Variants in CHSY1 observed in about 807,000 individuals in gnomAD.
CHSY1 encodes the protein chondroitin sulfate synthase 1, also known as N-acetylgalactosaminyl-proteoglycan 3-beta-glucuronosyltransferase 1.
Under a neutral mutation model 59.8 loss-of-function variants are expected in CHSY1, and 13 were observed. That is an observed-to-expected ratio of 0.22 (90% CI 0.14 to 0.35). The LOEUF (loss-of-function observed/expected upper bound fraction) is 0.35, where lower values mean the gene tolerates loss of function less well. Among genes scored for constraint, CHSY1 ranks in the 10% least tolerant of loss-of-function variants. The probability of loss-of-function intolerance (pLI) is 1.00; values close to 1 mark genes in which losing one functional copy is unlikely to be tolerated. For synonymous variants in CHSY1, 459 were observed against 401.2 expected (o/e 1.14, Z -1.72); for missense variants, 947 against 1,030.6 (o/e 0.92, Z 1.11).
At chr15:101,230,298 T>A (rs1355392333) in intron 2 of CHSY1, among the ~76,000 whole-genome samples, 1 of 152,170 alleles carries the variant, frequency 6.6e-6, no homozygotes, top group East Asian at 1.9e-4. Context: ...ATCTAGCCAC[T>A]GAGGGTCTGC....
intron 2 of CHSY1, among the ~76,000 whole-genome samples, chr15:101,224,708 C>G (rs776896483): frequency 6.6e-6 from 1 of 152,168 alleles, no homozygotes; most frequent in Non-Finnish European, 1.5e-5. Context: ...TAATACTTCA[C>G]GTCCACACAC....
At chr15:101,185,361 A>G (rs2038342462) in intron 2 of CHSY1, among the ~76,000 whole-genome samples, 1 of 151,464 alleles carries the variant, frequency 6.6e-6, no homozygotes, top group Non-Finnish European at 1.5e-5. Context: ...GGGCCCCACC[A>G]GGCTCCAGGG....
chr15:101,188,937 TC>T (rs980499642), intron 2 of CHSY1, among the ~76,000 whole-genome samples: 1 of 151,806 alleles, frequency 6.6e-6, no homozygotes, highest in African/African-American at 2.4e-5. Context: ...GCACCAGGCA[TC>T]GCCTTAACAA....
intron 2 of CHSY1, among the ~76,000 whole-genome samples, chr15:101,202,132 G>A: frequency 6.6e-6 from 1 of 151,516 alleles, no homozygotes; most frequent in Admixed American, 6.6e-5. Flanking sequence ...AGCAGAGGCT[G>A]CAGGGAAGGA....
At chr15:101,213,725 A>G (rs757610027) in intron 2 of CHSY1, among the ~76,000 whole-genome samples, 1 of 152,212 alleles carries the variant, frequency 6.6e-6, no homozygotes, top group Non-Finnish European at 1.5e-5. Context: ...GCAGCACAAA[A>G]TATGTCTTTG....
At chr15:101,185,223 C>A (rs894135059) in intron 2 of CHSY1, among the ~76,000 whole-genome samples, 10 of 152,178 alleles carry the variant, frequency 6.6e-5, no homozygotes, top group African/African-American at 2.4e-4. Flanking sequence ...TCTTTAAGAA[C>A]AGGAAATGTG....
intron 2 of CHSY1, 152 bp downstream of exon 2, chr15:101,234,930 A>AT (rs66876912): frequency 8.1e-4 from 750 of 925,816 alleles, no homozygotes; most frequent in Non-Finnish European, 1.0e-3. Context: ...GGGGAACTGA[A>AT]TTTTTTTTTT....
intron 2 of CHSY1, among the ~76,000 whole-genome samples, chr15:101,230,557 A>T (rs930666891): frequency 4.6e-5 from 7 of 152,104 alleles, no homozygotes; most frequent in Non-Finnish European, 1.0e-4. Flanking sequence ...AATTTTTTTT[A>T]AAAAAAGAAA....
At chr15:101,213,429 A>G (rs1164834793) in intron 2 of CHSY1, among the ~76,000 whole-genome samples, 1 of 152,222 alleles carries the variant, frequency 6.6e-6, no homozygotes, top group African/African-American at 2.4e-5. Flanking sequence ...GGAAAAAAAA[A>G]TTAGAAGAGG....
chr15:101,178,547 T>C lies in CHSY1; in HGVS notation c.1250A>G (p.Asn417Ser), dbSNP rs559675963. The C allele has an allele frequency of 8.1e-6, 13 of 1,614,260 alleles. No individual in the cohort carries two copies. The highest frequency in any genetic ancestry group is 4.0e-5 in the African/African-American group (3 of 75,074). ...GCGCCCTCTGGTCTTGGCGTTGGCA[T>C]TGATCATCTCCATGACCTGCATGAC... ...DIVMQVMEMINANAKTRGRII... is the reference protein window; with the variant it reads ...DIVMQVMEMISANAKTRGRII... Residue 417 changes from asparagine to serine, a missense_variant, in exon 3 of 3, where the codon AAT becomes AGT. Coordinates refer to ENST00000254190, the MANE Select transcript of CHSY1 (RefSeq NM_014918.5).
At chr15:101,206,294 G>T (rs79390081) in intron 2 of CHSY1, among the ~76,000 whole-genome samples, 1 of 152,120 alleles carries the variant, frequency 6.6e-6, no homozygotes, top group Non-Finnish European at 1.5e-5. Flanking sequence ...ACCAGGTCTC[G>T]AGTCGGCAGG....
At chr15:101,215,008 C>T (rs1372685380) in intron 2 of CHSY1, among the ~76,000 whole-genome samples, 2 of 152,190 alleles carry the variant, frequency 1.3e-5, no homozygotes, top group African/African-American at 2.4e-5. Context: ...CTCCTCCCTT[C>T]GCTTTCTCTT....
chr15:101,188,268 C>G (rs185909100), intron 2 of CHSY1: 1 of 829,076 alleles, frequency 1.2e-6, no homozygotes, highest in Non-Finnish European at 1.5e-6. Context: ...GTCAAGAGAC[C>G]GTAACTGCTG....
Position 101,201,562 on chromosome 15 carries a change from T to C in CHSY1, c.817-22582A>G, listed in dbSNP as rs1375844736. Among the ~76,000 whole-genome samples, 3 of 152,122 alleles carry C rather than the reference T, an allele frequency of 2.0e-5. No individual in the cohort carries two copies. The South Asian group carries it at 6.2e-4, about 32-fold the overall frequency. On this transcript the variant is annotated intron_variant, in intron 2 of 2. Transcript: ENST00000254190. ...GCAGGGCTGCCTTTCCAGCAGGCGGTTGGGCAGTGGGGTGGGAGGAGAGGA... is the reference window on the plus strand; with the variant it reads ...GCAGGGCTGCCTTTCCAGCAGGCGGCTGGGCAGTGGGGTGGGAGGAGAGGA...
intron 2 of CHSY1, among the ~76,000 whole-genome samples, chr15:101,209,902 C>A (rs1281889577): frequency 6.6e-6 from 1 of 152,154 alleles, no homozygotes; most frequent in South Asian, 2.1e-4. Flanking sequence ...AAGTTCAACA[C>A]AGAAAGTATA....
rs2038930223 is a variant in CHSY1 at position 101,235,301 on chromosome 15, T to C, written c.597A>G (p.Thr199=). 6.2e-7 allele frequency: 1 copy of C among 1,614,196 alleles called. No homozygotes were observed. Among genetic ancestry groups the C allele is most frequent in the East Asian group, 2.2e-5 (1 of 44,888 alleles). ...NSSEPLFLGQ[T]GLGTTEEMGK... ...CCATTTCTTCCGTGGTGCCCAGGCCTGTCTGCCCAAGAAAGAGGGGCTCGC... is the reference window on the plus strand; with the variant it reads ...CCATTTCTTCCGTGGTGCCCAGGCCCGTCTGCCCAAGAAAGAGGGGCTCGC... The change falls in exon 2 of 3, where the codon ACA becomes ACG. Residue 199 remains threonine, a synonymous_variant. Coordinates refer to ENST00000254190, the MANE Select transcript of CHSY1 (RefSeq NM_014918.5).
In CHSY1 at chr15:101,235,214, G is replaced by A. The variant is rs2038929131; in HGVS notation, c.684C>T (p.Ser228=). Residue 228 remains serine, a synonymous_variant, in exon 2 of 3, where the codon AGC becomes AGT. Coordinates refer to ENST00000254190, the MANE Select transcript of CHSY1 (RefSeq NM_014918.5). ...GCACCATTCTCCGAAGCACCTCCCG[G>A]CTCATGATCACGCCAGGCCCCCCCA... ...FCMGGPGVIM[S]REVLRRMVPH... is the part of the protein sequence containing the mutation. 19 of 1,613,744 alleles carry A rather than the reference G, an allele frequency of 1.2e-5. No individual in the cohort carries two copies. Among genetic ancestry groups the A allele is most frequent in the Non-Finnish European group, 1.5e-5 (18 of 1,179,852 alleles).
At chr15:101,180,633 A>C (rs1288940577) in intron 2 of CHSY1, among the ~76,000 whole-genome samples, 2 of 152,124 alleles carry the variant, frequency 1.3e-5, no homozygotes, top group Non-Finnish European at 2.9e-5. Flanking sequence ...AGCAAATCTC[A>C]AATTCTTGTT....
intron 2 of CHSY1, among the ~76,000 whole-genome samples, chr15:101,190,785 TAACA>T (rs1323524608): frequency 6.6e-6 from 1 of 152,222 alleles, no homozygotes; most frequent in Non-Finnish European, 1.5e-5. Flanking sequence ...CCAAAGGCTT[TAACA>T]AGCACCTTGC....
Sources: allele counts gnomAD v4.1 joint callset (sites outside exome capture counted in the v4.1 genomes callset), GRCh38; gene constraint gnomAD v4.1.1; transcripts MANE v1.5; gene names NCBI Gene and HGNC (gene_info 2026-07-23, HGNC 2026-07-21).